The following ERP44 variants were observed in gnomAD, a reference collection of about 807,000 sequenced individuals.
ERP44 encodes the protein endoplasmic reticulum resident protein 44.
A neutral mutation model predicts 53.4 loss-of-function variants in ERP44; 25 were observed. The ratio of observed to expected loss-of-function variants is 0.47; its 90% CI spans 0.34 to 0.65. The LOEUF is 0.65. Among genes scored for constraint, ERP44 ranks in the 30% least tolerant of loss-of-function variants. ERP44 has a pLI of 0.01. For synonymous variants in ERP44, 145 were observed against 161.2 expected (o/e 0.90, Z 0.76); for missense variants, 338 against 493.2 (o/e 0.69, Z 2.98).
intron 1 of ERP44, among the ~76,000 whole-genome samples, chr9:100,078,014 C>A (rs979973013): frequency 3.3e-5 from 5 of 152,176 alleles, no homozygotes. Flanking sequence ...TTGCTGAAAG[C>A]AAAGGAAATA....
At chr9:100,026,432 C>T (rs932859620) in intron 4 of ERP44, among the ~76,000 whole-genome samples, 27 of 152,164 alleles carry the variant, frequency 1.8e-4, no homozygotes, top group African/African-American at 6.3e-4. Flanking sequence ...GTACTAGAGA[C>T]AACTGATTAA....
intron 4 of ERP44, among the ~76,000 whole-genome samples, chr9:100,031,703 A>T (rs1043382988): frequency 6.6e-6 from 1 of 152,208 alleles, no homozygotes; most frequent in Admixed American, 6.5e-5. Context: ...TAAGAGTGCT[A>T]TGGTTAAAAG....
In ERP44 at chr9:99,979,669, G is replaced by C. The variant is rs932096787; in HGVS notation, c.*2943C>G. 9 of 329,714 alleles carry C rather than the reference G, an allele frequency of 2.7e-5. No individual in the cohort carries two copies. The highest frequency in any genetic ancestry group is 1.9e-4 in the African/African-American group (9 of 47,184). The allele number at this position is 329,714 out of a possible 1,614,324, so 20.4% of individuals were successfully genotyped here. ...CTAAGAAGCAGAAAGGCCCCCTTTT[G>C]GTTCTGGGGACTCAACCGTGTTCTT... On this transcript the variant is annotated 3_prime_UTR_variant, in exon 12 of 12. Transcript: ENST00000262455.
At chr9:100,052,599 T>C (rs949679745) in intron 3 of ERP44, 67 bp from the exon 4 acceptor site, 14 of 758,640 alleles carry the variant, frequency 1.8e-5, no homozygotes, top group Middle Eastern at 2.5e-4. Flanking sequence ...TTTCCGTTAT[T>C]GCCCACTGAC....
intron 10 of ERP44, 59 bp from the exon 11 acceptor site, chr9:99,985,128 A>G (rs1467043467): frequency 1.7e-6 from 2 of 1,174,038 alleles, no homozygotes; most frequent in Non-Finnish European, 2.5e-6. Flanking sequence ...CTATTTTACC[A>G]ACTTCACAGT....
At chr9:100,001,988 T>G (rs1034325405) in intron 10 of ERP44, among the ~76,000 whole-genome samples, 2 of 152,060 alleles carry the variant, frequency 1.3e-5, no homozygotes, top group African/African-American at 4.8e-5. Flanking sequence ...TTTACTAAAG[T>G]TTTTTGCTTT....
At chr9:100,014,703 A>G (rs923351091) in intron 8 of ERP44, among the ~76,000 whole-genome samples, 1 of 152,216 alleles carries the variant, frequency 6.6e-6, no homozygotes, top group Non-Finnish European at 1.5e-5. Context: ...TTGTTTACAT[A>G]TTGTCTAAGG....
At chr9:100,081,057 T>C (rs920116156) in intron 1 of ERP44, among the ~76,000 whole-genome samples, 4 of 151,864 alleles carry the variant, frequency 2.6e-5, no homozygotes, top group African/African-American at 9.7e-5. Context: ...CAAGACTAAA[T>C]ACATCTATAT....
At chr9:100,066,939 G>C (rs1037686336) in intron 1 of ERP44, among the ~76,000 whole-genome samples, 1 of 152,158 alleles carries the variant, frequency 6.6e-6, no homozygotes, top group Admixed American at 6.5e-5. Context: ...GAAGTTCAAA[G>C]AGAGGGGAAA....
chr9:100,024,027 T>C (rs917602169), intron 4 of ERP44, among the ~76,000 whole-genome samples: 7 of 152,036 alleles, frequency 4.6e-5, no homozygotes, highest in Non-Finnish European at 8.8e-5. Context: ...TGGTGGCACA[T>C]GCCTGTAATC....
chr9:100,001,986 A>C (rs2118625647), intron 10 of ERP44, among the ~76,000 whole-genome samples: 1 of 152,010 alleles, frequency 6.6e-6, no homozygotes, highest in Non-Finnish European at 1.5e-5. Flanking sequence ...TATTTACTAA[A>C]GTTTTTTGCT....
chr9:99,983,317 G>C (rs528470191), intron 11 of ERP44, among the ~76,000 whole-genome samples: 1 of 151,854 alleles, frequency 6.6e-6, no homozygotes, highest in Non-Finnish European at 1.5e-5. Context: ...AGGCCGAGGC[G>C]GGTGGATCAT....
At chr9:100,010,017 C>G (rs1830457620) in intron 8 of ERP44, among the ~76,000 whole-genome samples, 1 of 151,134 alleles carries the variant, frequency 6.6e-6, no homozygotes, top group Non-Finnish European at 1.5e-5. Context: ...TTATCAGTGC[C>G]CCTCATGTGG....
At chr9:100,062,608 C>T (rs1043811537) in intron 1 of ERP44, among the ~76,000 whole-genome samples, 11 of 152,110 alleles carry the variant, frequency 7.2e-5, no homozygotes, top group African/African-American at 1.9e-4. Context: ...GCATGGTGTG[C>T]GCTACCTCAA....
intron 1 of ERP44, among the ~76,000 whole-genome samples, chr9:100,098,079 A>G (rs1387873947): frequency 6.6e-6 from 1 of 152,200 alleles, no homozygotes; most frequent in African/African-American, 2.4e-5. Flanking sequence ...GACTAGGGAA[A>G]GATTCTTTTA....
intron 4 of ERP44, among the ~76,000 whole-genome samples, chr9:100,033,431 A>G (rs1342405038): frequency 6.6e-6 from 1 of 152,262 alleles, no homozygotes; most frequent in Non-Finnish European, 1.5e-5. Flanking sequence ...GGAATTTACT[A>G]AACTCACAGG....
chr9:100,060,095 C>T lies in ERP44; in HGVS notation c.130+5G>A. The T allele has an allele frequency of 6.9e-7, 1 of 1,448,422 alleles. No homozygotes were observed. The highest frequency in any genetic ancestry group is 9.1e-7 in the Non-Finnish European group (1 of 1,098,428). The allele number at this position is 1,448,422 out of a possible 1,614,324, so 89.7% of individuals were successfully genotyped here. On this transcript the variant is annotated splice_donor_5th_base_variant and intron_variant, in intron 2 of 11. Coordinates refer to ENST00000262455, the MANE Select transcript of ERP44 (RefSeq NM_015051.3). ...AGTACACTTTAAAAATATTGAGGTA[C>T]TTACTTAAAATTTCATCTATATTCT...
At chr9:100,022,813 G>A (rs1830607779) in intron 4 of ERP44, among the ~76,000 whole-genome samples, 1 of 152,102 alleles carries the variant, frequency 6.6e-6, no homozygotes, top group African/African-American at 2.4e-5. Context: ...ATATATTAGA[G>A]GTTAAAATGG....
chr9:100,063,092 A>AAAAAAAAG (rs773290883), intron 1 of ERP44, among the ~76,000 whole-genome samples: 2 of 145,282 alleles, frequency 1.4e-5, no homozygotes, highest in African/African-American at 2.6e-5. Context: ...AAAAAAAAAA[A>AAAAAAAAG]AGAGAGAGAG....
Sources: allele counts gnomAD v4.1 joint callset (sites outside exome capture counted in the v4.1 genomes callset), GRCh38; gene constraint gnomAD v4.1.1; transcripts MANE v1.5; gene names NCBI Gene and HGNC (gene_info 2026-07-23, HGNC 2026-07-21).